ERBB4: variants seen among roughly 807,000 people sequenced by gnomAD.
The protein encoded by ERBB4 is erb-b2 receptor tyrosine kinase 4.
A neutral mutation model predicts 158.0 loss-of-function variants in ERBB4; 42 were observed. That is an observed-to-expected ratio of 0.27 (90% CI 0.21 to 0.34). The LOEUF is 0.34. ERBB4 is among the 10% of genes least tolerant of loss of function. ERBB4 has a pLI of 1.00. For synonymous variants in ERBB4, 583 were observed against 558.7 expected (o/e 1.04, Z -0.61); for missense variants, 1,333 against 1,624.1 (o/e 0.82, Z 3.08).
intron 1 of ERBB4, among the ~76,000 whole-genome samples, chr2:212,459,867 G>T (rs1302100121): frequency 2.4e-4 from 36 of 152,030 alleles, no homozygotes; most frequent in Admixed American, 2.2e-3. Context: ...AAATTTTGCT[G>T]GAAAAACTGG....
intron 1 of ERBB4, among the ~76,000 whole-genome samples, chr2:212,490,750 T>C (rs1349287842): frequency 6.6e-6 from 1 of 151,746 alleles, no homozygotes; most frequent in Non-Finnish European, 1.5e-5. Flanking sequence ...TCATGTAAAA[T>C]CTTTTCTTGT....
At chr2:212,524,981 T>C (rs538261998) in intron 1 of ERBB4, among the ~76,000 whole-genome samples, 3 of 152,052 alleles carry the variant, frequency 2.0e-5, no homozygotes, top group African/African-American at 7.2e-5. Flanking sequence ...ACTTGTTTGA[T>C]TGGGTTAAGT....
chr2:211,825,409 A>G (rs558908639), intron 3 of ERBB4, among the ~76,000 whole-genome samples: 1 of 152,032 alleles, frequency 6.6e-6, no homozygotes, highest in East Asian at 1.9e-4. Context: ...ATAAATAGCA[A>G]AATGAATTCA....
chr2:211,954,567 T>A (rs912119368), intron 2 of ERBB4, among the ~76,000 whole-genome samples: 1 of 151,986 alleles, frequency 6.6e-6, no homozygotes, highest in African/African-American at 2.4e-5. Flanking sequence ...TCAACAAATA[T>A]AATGCTGATT....
chr2:211,964,830 G>A (rs1203616178), intron 2 of ERBB4, among the ~76,000 whole-genome samples: 1 of 152,072 alleles, frequency 6.6e-6, no homozygotes, highest in Non-Finnish European at 1.5e-5. Context: ...TACTGTAATT[G>A]AAAACACTAG....
At chr2:211,550,574 A>AATATATATATATATATATATAT (rs376362405) in intron 20 of ERBB4, among the ~76,000 whole-genome samples, 197 of 136,776 alleles carry the variant, frequency 1.4e-3, no homozygotes, top group African/African-American at 5.0e-3. Context: ...CATTCCTTAG[A>AATATATATATATATATATATAT]ATATATATAT....
chr2:212,192,121 AT>A (rs1384317026), intron 1 of ERBB4, among the ~76,000 whole-genome samples: 2 of 114,152 alleles, frequency 1.8e-5, no homozygotes, highest in African/African-American at 6.5e-5. Context: ...TATTATATAT[AT>A]TATGTGTTAT....
At chr2:212,287,351 G>T (rs1163574814) in intron 1 of ERBB4, among the ~76,000 whole-genome samples, 2 of 152,100 alleles carry the variant, frequency 1.3e-5, no homozygotes, top group Non-Finnish European at 2.9e-5. Flanking sequence ...AGAGCTATAG[G>T]TGAGAAGACA....
At chr2:211,721,597 T>C (rs2074096043) in intron 7 of ERBB4, among the ~76,000 whole-genome samples, 2 of 138,828 alleles carry the variant, frequency 1.4e-5, no homozygotes, top group Non-Finnish European at 1.5e-5. Flanking sequence ...ACATGTTTTA[T>C]TTAAGGTTAA....
At chr2:211,544,079 T>C (rs1471535685) in intron 20 of ERBB4, among the ~76,000 whole-genome samples, 1 of 152,042 alleles carries the variant, frequency 6.6e-6, no homozygotes, top group African/African-American at 2.4e-5. Flanking sequence ...ACATGGATTA[T>C]ACTTGTATGT....
At chr2:212,293,401 A>T (rs946364522) in intron 1 of ERBB4, among the ~76,000 whole-genome samples, 2 of 152,080 alleles carry the variant, frequency 1.3e-5, no homozygotes, top group African/African-American at 2.4e-5. Flanking sequence ...TATAGCTTTC[A>T]ATAATAGAAA....
intron 1 of ERBB4, among the ~76,000 whole-genome samples, chr2:212,372,218 C>T (rs991072613): frequency 6.6e-6 from 1 of 152,078 alleles, no homozygotes; most frequent in Non-Finnish European, 1.5e-5. Flanking sequence ...GCTATGTTCT[C>T]TCTTTTTTGT....
intron 1 of ERBB4, among the ~76,000 whole-genome samples, chr2:212,198,154 T>C (rs1045930503): frequency 2.6e-5 from 4 of 152,218 alleles, no homozygotes; most frequent in Non-Finnish European, 5.9e-5. Flanking sequence ...ACTGAGATTG[T>C]CTGAAAGTTA....
At chr2:211,713,669 G>C (rs774637529) in intron 7 of ERBB4, 21 bp from the exon 8 acceptor site, 4 of 1,216,164 alleles carry the variant, frequency 3.3e-6, no homozygotes, top group Non-Finnish European at 3.6e-6. Context: ...AAAAAAAAAA[G>C]GTAAAATAAG....
intron 2 of ERBB4, among the ~76,000 whole-genome samples, chr2:212,041,057 A>G (rs1393557741): frequency 6.6e-6 from 1 of 152,136 alleles, no homozygotes; most frequent in African/African-American, 2.4e-5. Context: ...AGTGGGAGTT[A>G]CGTGAACTTG....
chr2:211,555,662 C>CA (rs1327199421), intron 20 of ERBB4, among the ~76,000 whole-genome samples: 6 of 152,130 alleles, frequency 3.9e-5, no homozygotes, highest in Admixed American at 3.3e-4. Flanking sequence ...GATTCAGGAC[C>CA]AACATTCAAC....
At chr2:211,556,103 C>A (rs2067230844) in intron 20 of ERBB4, among the ~76,000 whole-genome samples, 2 of 151,796 alleles carry the variant, frequency 1.3e-5, no homozygotes, top group African/African-American at 4.8e-5. Context: ...ATCTGCCAAG[C>A]AAATGGAAAA....
chr2:211,499,079 T>C (rs1338698285), intron 20 of ERBB4, among the ~76,000 whole-genome samples: 1 of 152,130 alleles, frequency 6.6e-6, no homozygotes, highest in African/African-American at 2.4e-5. Flanking sequence ...AATCAATCTT[T>C]GATGAGTTCT....
intron 3 of ERBB4, among the ~76,000 whole-genome samples, chr2:211,913,099 A>G (rs544525706): frequency 1.3e-5 from 2 of 152,290 alleles, no homozygotes; most frequent in Non-Finnish European, 1.5e-5. Flanking sequence ...CCATCTGTAC[A>G]GGTTAAATAA....
Sources: allele counts gnomAD v4.1 joint callset (sites outside exome capture counted in the v4.1 genomes callset), GRCh38; gene constraint gnomAD v4.1.1; transcripts MANE v1.5; gene names NCBI Gene and HGNC (gene_info 2026-07-23, HGNC 2026-07-21).